PCSK2: variants seen among roughly 807,000 people sequenced by gnomAD.
The protein encoded by PCSK2 is proprotein convertase subtilisin/kexin type 2.
A neutral mutation model predicts 69.7 loss-of-function variants in PCSK2; 14 were observed. The observed-to-expected ratio is 0.20, with a 90% CI of 0.13 to 0.31. The LOEUF (loss-of-function observed/expected upper bound fraction) is 0.31, where lower values mean the gene tolerates loss of function less well. Among genes scored for constraint, PCSK2 ranks in the 10% least tolerant of loss-of-function variants. The pLI is 1.00. For synonymous variants in PCSK2, 307 were observed against 320.7 expected (o/e 0.96, Z 0.46); for missense variants, 544 against 842.5 (o/e 0.65, Z 4.39).
intron 7 of PCSK2, among the ~76,000 whole-genome samples, chr20:17,434,573 C>T (rs2032445304): frequency 2.6e-5 from 4 of 152,106 alleles, no homozygotes; most frequent in Non-Finnish European, 4.4e-5. Flanking sequence ...GAGGTTCTTG[C>T]GCAGCACAGA....
At chr20:17,333,710 G>C (rs895299832) in intron 2 of PCSK2, among the ~76,000 whole-genome samples, 1 of 151,788 alleles carries the variant, frequency 6.6e-6, no homozygotes, top group Non-Finnish European at 1.5e-5. Flanking sequence ...AAACAGCCAG[G>C]GTTCAAATTC....
intron 2 of PCSK2, among the ~76,000 whole-genome samples, chr20:17,280,853 C>A (rs1988282270): frequency 6.6e-6 from 1 of 152,176 alleles, no homozygotes. Context: ...CCACACCAAC[C>A]ATGTGGAGGC....
intron 2 of PCSK2, among the ~76,000 whole-genome samples, chr20:17,318,423 C>CA (rs571571508): frequency 1.3e-4 from 20 of 149,802 alleles, no homozygotes; most frequent in South Asian, 6.3e-4. Context: ...GTCCTATATC[C>CA]AAAAAAAAAT....
intron 11 of PCSK2, among the ~76,000 whole-genome samples, chr20:17,467,621 T>C (rs2033124872): frequency 6.6e-6 from 1 of 152,214 alleles, no homozygotes; most frequent in Non-Finnish European, 1.5e-5. Flanking sequence ...TGTTATAATC[T>C]AGTGAAAATT....
At chr20:17,249,463 C>T (rs187714680) in intron 1 of PCSK2, among the ~76,000 whole-genome samples, 65 of 145,732 alleles carry the variant, frequency 4.5e-4, no homozygotes, top group African/African-American at 1.6e-3. Context: ...GCCGAGATCG[C>T]GCCACTGCAC....
chr20:17,449,160 G>A (rs2032756876), intron 8 of PCSK2, among the ~76,000 whole-genome samples: 1 of 152,192 alleles, frequency 6.6e-6, no homozygotes, highest in African/African-American at 2.4e-5. Flanking sequence ...TGGGATTACA[G>A]GCATGAGCCA....
chr20:17,299,615 C>T (rs1173640095), intron 2 of PCSK2, among the ~76,000 whole-genome samples: 1 of 151,850 alleles, frequency 6.6e-6, no homozygotes, highest in East Asian at 1.9e-4. Flanking sequence ...TACTAGATAT[C>T]CTCAGCCCAT....
chr20:17,470,241 T>C (rs2033176976), intron 11 of PCSK2, among the ~76,000 whole-genome samples: 1 of 152,208 alleles, frequency 6.6e-6, no homozygotes, highest in Non-Finnish European at 1.5e-5. Context: ...ATACAATAGC[T>C]TGTGGCTATT....
intron 11 of PCSK2, among the ~76,000 whole-genome samples, chr20:17,470,459 T>C (rs2033180282): frequency 6.6e-6 from 1 of 152,122 alleles, no homozygotes; most frequent in African/African-American, 2.4e-5. Flanking sequence ...TAACATAAAC[T>C]CTATGAAGGG....
At chr20:17,471,055 G>A (rs2033191718) in intron 11 of PCSK2, among the ~76,000 whole-genome samples, 1 of 152,210 alleles carries the variant, frequency 6.6e-6, no homozygotes, top group Non-Finnish European at 1.5e-5. Flanking sequence ...CACTGGACAA[G>A]CCAGACGGAC....
intron 5 of PCSK2, among the ~76,000 whole-genome samples, chr20:17,400,934 T>C (rs2031622856): frequency 6.6e-6 from 1 of 152,228 alleles, no homozygotes; most frequent in Non-Finnish European, 1.5e-5. Context: ...AGGTTGTTTC[T>C]AATATTTCAC....
At chr20:17,272,498 A>G (rs1987908341) in intron 2 of PCSK2, among the ~76,000 whole-genome samples, 1 of 152,008 alleles carries the variant, frequency 6.6e-6, no homozygotes, top group South Asian at 2.1e-4. Context: ...TATTTTTTGA[A>G]TTTTCATCTT....
intron 2 of PCSK2, among the ~76,000 whole-genome samples, chr20:17,300,753 T>C (rs980569997): frequency 1.3e-5 from 2 of 152,208 alleles, no homozygotes; most frequent in African/African-American, 4.8e-5. Flanking sequence ...TCCAAGATAA[T>C]TCCTAAAACA....
In PCSK2 at chr20:17,453,946, G is replaced by C. The variant is rs777932064; in HGVS notation, c.1090G>C (p.Glu364Gln). ...TFSNGRKRNP[E>Q]AGVATTDLYG... ...CAGCAACGGGAGGAAAAGGAACCCCGAGGCCGGTGTGGTGAGCACGTCCCC... is the reference window on the plus strand; with the variant it reads ...CAGCAACGGGAGGAAAAGGAACCCCCAGGCCGGTGTGGTGAGCACGTCCCC... Residue 364 changes from glutamate (E) to glutamine (Q), a missense_variant, in exon 9 of 12, where the codon GAG becomes CAG. Physicochemically the swap from Glu to Gln is conservative, Grantham distance 29. Around this residue, in one of 3 missense-constraint regions of PCSK2, gnomAD observed 187 missense variants for 399.8 expected, o/e 0.47. Transcript: ENST00000262545. The surrounding 1 kb of genome is among the most constrained non-coding windows in gnomAD (Gnocchi z 4.0). 6.2e-7 allele frequency: 1 copy of C among 1,614,172 alleles called. No homozygotes were observed. The highest frequency in any genetic ancestry group is 1.7e-5 in the Admixed American group (1 of 60,016).
At chr20:17,259,269 A>G (rs1222819774) in intron 1 of PCSK2, among the ~76,000 whole-genome samples, 1 of 152,212 alleles carries the variant, frequency 6.6e-6, no homozygotes, top group African/African-American at 2.4e-5. Context: ...TTTCCAAAAA[A>G]AGTACATATT....
At chr20:17,447,735 T>G (rs1237358315) in intron 8 of PCSK2, among the ~76,000 whole-genome samples, 1 of 152,180 alleles carries the variant, frequency 6.6e-6, no homozygotes, top group African/African-American at 2.4e-5. Context: ...CAGCATTCCA[T>G]GTACATTCAA....
At chr20:17,255,333 T>G (rs940775339) in intron 1 of PCSK2, among the ~76,000 whole-genome samples, 1 of 151,988 alleles carries the variant, frequency 6.6e-6, no homozygotes, top group Non-Finnish European at 1.5e-5. Context: ...GAAAGTTCCC[T>G]TTCATTCCTA....
upstream of PCSK2, among the ~76,000 whole-genome samples, chr20:17,226,672 CACAA>C (rs1369024383): frequency 2.0e-5 from 3 of 152,078 alleles, no homozygotes; most frequent in South Asian, 2.1e-4. Flanking sequence ...TACAGATTCC[CACAA>C]ACAATGACAT....
intron 6 of PCSK2, among the ~76,000 whole-genome samples, chr20:17,414,892 A>G (rs1218638104): frequency 2.0e-5 from 3 of 152,374 alleles, no homozygotes; most frequent in Middle Eastern, 6.8e-3. Context: ...TATGCAAATC[A>G]GTAAACGTAA....
Sources: allele counts gnomAD v4.1 joint callset (sites outside exome capture counted in the v4.1 genomes callset), GRCh38; gene constraint gnomAD v4.1.1; regional missense constraint gnomAD v4.1.1; non-coding constraint Gnocchi (gnomAD v3.1); transcripts MANE v1.5; gene names NCBI Gene and HGNC (gene_info 2026-07-23, HGNC 2026-07-21).